The following CDK19 variants were observed in gnomAD, a reference collection of about 807,000 sequenced individuals.
The protein encoded by CDK19 is cyclin-dependent kinase 19.
Under a neutral mutation model 68.3 loss-of-function variants are expected in CDK19, and 20 were observed. The ratio of observed to expected loss-of-function variants is 0.29; its 90% CI spans 0.21 to 0.43. CDK19 has a LOEUF of 0.43. CDK19 is among the 20% of genes least tolerant of loss of function. CDK19 has a pLI of 1.00. For missense variants in CDK19, 339 were observed against 623.5 expected (o/e 0.54, Z 4.86); for synonymous variants, 221 against 222.8 (o/e 0.99, Z 0.07).
chr6:110,646,104 T>A, intron 4 of CDK19: 1 of 873,906 alleles, frequency 1.1e-6, no homozygotes, highest in East Asian at 2.6e-5. Context: ...GCAAGGCACC[T>A]CCTTCGAGGT....
intron 4 of CDK19, chr6:110,646,351 G>A: frequency 2.7e-6 from 4 of 1,465,284 alleles, no homozygotes; most frequent in Non-Finnish European, 3.6e-6. Flanking sequence ...CACTTCGAGT[G>A]CCTCTTCCAT....
intron 4 of CDK19, chr6:110,645,635 T>A (rs1000059428): frequency 3.3e-6 from 1 of 306,124 alleles, no homozygotes; most frequent in Non-Finnish European, 6.4e-6. Flanking sequence ...CTACAGGGAC[T>A]CACGAGCCGG....
At chr6:110,766,901 G>A (rs1281192617) in intron 1 of CDK19, among the ~76,000 whole-genome samples, 4 of 152,086 alleles carry the variant, frequency 2.6e-5, no homozygotes, top group Admixed American at 6.5e-5. Flanking sequence ...TTGGGAGGCC[G>A]AGGTGGGCAG....
rs1382029026 is a variant in CDK19, at chr6:110,658,277, TA to T, written c.456+9156del. ...AACCAGAGGTCACTGGCAGGAACACTAGTATGATTCTTCAGCATGACAAGAT... is the reference window on the plus strand; with the variant it reads ...AACCAGAGGTCACTGGCAGGAACACTGTATGATTCTTCAGCATGACAAGAT... On this transcript the variant is annotated intron_variant, in intron 4 of 12. Transcript: ENST00000368911. Among the ~76,000 whole-genome samples the T allele has an allele frequency of 1.1e-4, 17 of 152,178 alleles. 1 individual carries two copies. The highest frequency in any genetic ancestry group is 7.3e-5 in the Non-Finnish European group (5 of 68,038).
At chr6:110,693,276 G>A (rs9372264) in intron 2 of CDK19, among the ~76,000 whole-genome samples, 23,837 of 152,176 alleles carry the variant, frequency 0.16, 2,082 homozygotes, top group East Asian at 0.32. Context: ...GTGTGAGAGA[G>A]GGAAAAGTCT....
chr6:110,812,525 C>G (rs1470066465), intron 1 of CDK19, among the ~76,000 whole-genome samples: 1 of 152,142 alleles, frequency 6.6e-6, no homozygotes, highest in Non-Finnish European at 1.5e-5. Flanking sequence ...AGTCATACTT[C>G]AAGGGAAATA....
intron 2 of CDK19, among the ~76,000 whole-genome samples, chr6:110,683,174 C>CAAA (rs58912406): frequency 4.6e-4 from 23 of 49,520 alleles, no homozygotes; most frequent in East Asian, 1.2e-3. Flanking sequence ...AGACTGTCTC[C>CAAA]AAAAAAAAAA....
intron 1 of CDK19, among the ~76,000 whole-genome samples, chr6:110,803,858 A>G (rs1223429051): frequency 6.6e-6 from 1 of 152,158 alleles, no homozygotes; most frequent in Non-Finnish European, 1.5e-5. Context: ...AGTCCCAGCT[A>G]CTCAAGAGGC....
intron 4 of CDK19, among the ~76,000 whole-genome samples, chr6:110,650,252 T>C (rs1310292514): frequency 1.3e-5 from 2 of 152,302 alleles, no homozygotes; most frequent in East Asian, 1.9e-4. Context: ...AAGAAAGTAA[T>C]AGATTCAAAA....
intron 2 of CDK19, among the ~76,000 whole-genome samples, chr6:110,683,762 C>T (rs1772212975): frequency 1.4e-5 from 2 of 144,498 alleles, no homozygotes; most frequent in Non-Finnish European, 3.0e-5. Flanking sequence ...AGTACAGTGG[C>T]GTGATCTCAG....
At chr6:110,762,022 G>C (rs558838368) in intron 1 of CDK19, among the ~76,000 whole-genome samples, 102 of 152,192 alleles carry the variant, frequency 6.7e-4, no homozygotes, top group African/African-American at 2.4e-3. Context: ...TAATCCAATG[G>C]AAAAAGATGA....
chr6:110,655,323 G>A lies in CDK19; in HGVS notation c.456+12111C>T, dbSNP rs376805699. Among the ~76,000 whole-genome samples the A allele has an allele frequency of 1.6e-3, 249 of 150,954 alleles. 3 individuals are homozygous for A. The South Asian group carries it at 0.033, about 20-fold the overall frequency. On this transcript the variant is annotated intron_variant, in intron 4 of 12. Transcript: ENST00000368911. ...AGAGGTTGTGGTGAGCCGAGATCGC[G>A]CCACTGCACTCTAGCCTGGGCAACA...
At chr6:110,759,188 C>G (rs1361408480) in intron 1 of CDK19, among the ~76,000 whole-genome samples, 1 of 151,036 alleles carries the variant, frequency 6.6e-6, no homozygotes, top group Non-Finnish European at 1.5e-5. Flanking sequence ...ATCACGAGGT[C>G]AGGAGATCGA....
chr6:110,789,481 G>A (rs1781452316), intron 1 of CDK19, among the ~76,000 whole-genome samples: 1 of 152,162 alleles, frequency 6.6e-6, no homozygotes, highest in South Asian at 2.1e-4. Context: ...GTTTCAGCAT[G>A]TTGGCCAGGA....
intron 4 of CDK19, among the ~76,000 whole-genome samples, chr6:110,652,307 T>C (rs1288930457): frequency 1.3e-5 from 2 of 152,050 alleles, no homozygotes; most frequent in Non-Finnish European, 2.9e-5. Context: ...GAATGGACAA[T>C]TGGGTCATAG....
At chr6:110,805,639 G>C (rs2115132893) in intron 1 of CDK19, among the ~76,000 whole-genome samples, 1 of 151,270 alleles carries the variant, frequency 6.6e-6, no homozygotes, top group East Asian at 1.9e-4. Context: ...CTGCGTGTAA[G>C]TGGACCCACA....
chr6:110,759,450 T>TATATAA lies in CDK19; in HGVS notation c.129-13250_129-13249insTTATAT, dbSNP rs1316358539. 2.8e-3 allele frequency among the ~76,000 whole-genome samples: 319 copies of TATATAA among 114,158 alleles called. 3 individuals carry two copies. The highest frequency in any genetic ancestry group is 0.01 in the African/African-American group (292 of 28,452). The allele number at this position is 114,158 out of a possible 152,430, so 74.9% of individuals were successfully genotyped here. A position where few individuals can be genotyped will look rare whatever the true frequency, so the allele number is the denominator to read the frequency against. On this transcript the variant is annotated intron_variant, in intron 1 of 12. Coordinates refer to ENST00000368911, the MANE Select transcript of CDK19 (RefSeq NM_015076.5). Reference sequence around the variant, plus strand: ...AAAAATATATATATATATATATATATAAATTAGCCAGGCATAGTAGCACAT... The same window carrying TATATAA: ...AAAAATATATATATATATATATATATATATAAAAATTAGCCAGGCATAGTAGCACAT...
At chr6:110,715,590 C>T (rs907570127) in intron 2 of CDK19, among the ~76,000 whole-genome samples, 16 of 152,118 alleles carry the variant, frequency 1.1e-4, no homozygotes, top group African/African-American at 3.9e-4. Flanking sequence ...CAGCTTCAAG[C>T]GATTCTCCTG....
At chr6:110,625,608 A>G (rs9386927) in intron 8 of CDK19, among the ~76,000 whole-genome samples, 17,829 of 152,188 alleles carry the variant, frequency 0.12, 1,281 homozygotes, top group East Asian at 0.31. Flanking sequence ...ATGATTTTGA[A>G]ACTTGGAAAA....
Sources: gnomAD v4.1 joint callset for allele counts (sites outside exome capture counted in the v4.1 genomes callset) on GRCh38, gnomAD v4.1.1 for gene constraint, MANE v1.5 for transcripts, NCBI Gene and HGNC (gene_info 2026-07-23, HGNC 2026-07-21) for gene names.